The following KCNMB2 variants were observed in gnomAD, a reference collection of about 807,000 sequenced individuals.
KCNMB2 encodes calcium-activated potassium channel subunit beta-2.
In KCNMB2, 9 loss-of-function variants were observed where a neutral mutation model predicts 24.5. The ratio of observed to expected loss-of-function variants is 0.37; its 90% CI spans 0.22 to 0.64. KCNMB2 has a LOEUF of 0.64. KCNMB2 is among the 30% of genes least tolerant of loss of function. KCNMB2 has a pLI of 0.63. For synonymous variants in KCNMB2, 109 were observed against 104.4 expected, an observed-to-expected ratio of 1.04 and a Z score of -0.27; for missense variants, 226 against 284.3, an observed-to-expected ratio of 0.79 and a Z score of 1.47.
intron 1 of KCNMB2, among the ~76,000 whole-genome samples, chr3:178,754,794 G>A (rs1226963751): frequency 6.6e-6 from 1 of 152,202 alleles, no homozygotes; most frequent in Non-Finnish European, 1.5e-5. Context: ...AGTGCTCCCA[G>A]CTTCTAGACC....
chr3:178,728,544 A>G (rs2108364802), intron 1 of KCNMB2, among the ~76,000 whole-genome samples: 1 of 151,880 alleles, frequency 6.6e-6, no homozygotes, highest in East Asian at 1.9e-4. Flanking sequence ...AAGAAGCAAA[A>G]GAGATGAGAT....
At chr3:178,789,461 C>A (rs1337151222) in intron 1 of KCNMB2, among the ~76,000 whole-genome samples, 1 of 152,176 alleles carries the variant, frequency 6.6e-6, no homozygotes, top group African/African-American at 2.4e-5. Flanking sequence ...GGTGAGCAGT[C>A]ACAGTACCCG....
chr3:178,789,045 G>A (rs567589179), intron 1 of KCNMB2, among the ~76,000 whole-genome samples: 56 of 152,332 alleles, frequency 3.7e-4, no homozygotes, highest in African/African-American at 1.3e-3. Flanking sequence ...TGGGGGAATA[G>A]GGAGTGTTTT....
At chr3:178,550,366 G>A (rs1715909406) in intron 1 of KCNMB2, among the ~76,000 whole-genome samples, 1 of 147,332 alleles carries the variant, frequency 6.8e-6, no homozygotes. Context: ...GCTGAGGCAG[G>A]AGAATGGCAT....
intron 1 of KCNMB2, among the ~76,000 whole-genome samples, chr3:178,542,932 T>C (rs1057305313): frequency 3.3e-5 from 5 of 152,194 alleles, no homozygotes; most frequent in Non-Finnish European, 7.3e-5. Context: ...ATATTATTCA[T>C]GGGGTCACAA....
chr3:178,683,387 C>T (rs1276136376), intron 1 of KCNMB2, among the ~76,000 whole-genome samples: 1 of 151,702 alleles, frequency 6.6e-6, no homozygotes, highest in Non-Finnish European at 1.5e-5. Flanking sequence ...TGCTCAGTAC[C>T]TATGTGACAG....
rs1343047003 is a variant in KCNMB2 at position 178,842,958 on chromosome 3, A to AT, written c.*26dup. The AT allele has an allele frequency of 1.3e-6, 2 of 1,580,384 alleles. No homozygotes were observed. The highest frequency in any genetic ancestry group is 1.7e-6 in the Non-Finnish European group (2 of 1,160,986). On this transcript the variant is annotated 3_prime_UTR_variant, in exon 5 of 5. Transcript: ENST00000452583. ...GATAAATGCAAAAATGGATAAAATA[A>AT]TTTTTGTTAAAGCTCAAATACTGTT... is the stretch of plus-strand genomic sequence containing the variant.
intron 2 of KCNMB2, among the ~76,000 whole-genome samples, chr3:178,822,859 T>C (rs995176358): frequency 6.6e-6 from 1 of 152,262 alleles, no homozygotes; most frequent in Non-Finnish European, 1.5e-5. Context: ...TTTATGGGTA[T>C]AGGCTGACAT....
intron 1 of KCNMB2, among the ~76,000 whole-genome samples, chr3:178,724,953 T>C (rs1722920341): frequency 6.6e-6 from 1 of 152,090 alleles, no homozygotes; most frequent in South Asian, 2.1e-4. Flanking sequence ...TCCAGCTTTA[T>C]TTTTATTTTT....
intron 1 of KCNMB2, among the ~76,000 whole-genome samples, chr3:178,708,169 T>C (rs1207241863): frequency 6.6e-6 from 1 of 152,106 alleles, no homozygotes; most frequent in East Asian, 1.9e-4. Context: ...GGGCTTTCTG[T>C]TTGTAGCTCT....
rs1004577855 is a variant in KCNMB2 at position 178,765,611 on chromosome 3, G to C, written c.-67-41732G>C. Among the ~76,000 whole-genome samples, 3 of 152,306 alleles carry C rather than the reference G, an allele frequency of 2.0e-5. No individual in the cohort carries two copies. The South Asian group carries it at 6.2e-4, about 32-fold the overall frequency. On this transcript the variant is annotated intron_variant, in intron 1 of 4. Coordinates refer to ENST00000452583, the MANE Select transcript of KCNMB2 (RefSeq NM_181361.3). ...CTGGGCTTCTAGATCAGTTCTGCTAGAATTTGTGTGTGTGTGTGCACGCGC... is the reference window on the plus strand; with the variant it reads ...CTGGGCTTCTAGATCAGTTCTGCTACAATTTGTGTGTGTGTGTGCACGCGC...
At chr3:178,808,604 C>G (rs879938608) in intron 2 of KCNMB2, among the ~76,000 whole-genome samples, 1 of 152,100 alleles carries the variant, frequency 6.6e-6, no homozygotes, top group African/African-American at 2.4e-5. Context: ...CAAAGTTGTT[C>G]TTCACAATAA....
intron 1 of KCNMB2, among the ~76,000 whole-genome samples, chr3:178,651,255 A>AATGTAC (rs1720109092): frequency 6.6e-6 from 1 of 152,202 alleles, no homozygotes; most frequent in Non-Finnish European, 1.5e-5. Flanking sequence ...ATCAATGTGC[A>AATGTAC]AAAATCACAA....
intron 1 of KCNMB2, chr3:178,747,243 C>G (rs1417921093): frequency 1.3e-5 from 2 of 152,340 alleles, no homozygotes; most frequent in Non-Finnish European, 2.9e-5. Flanking sequence ...AAAGAGAGAG[C>G]ACTTGTGCAG....
chr3:178,762,883 G>C (rs565397383), intron 1 of KCNMB2, among the ~76,000 whole-genome samples: 99 of 151,554 alleles, frequency 6.5e-4, no homozygotes, highest in African/African-American at 2.3e-3. Context: ...TATCTGTCAG[G>C]AAAGTAATCA....
At chr3:178,608,834 GT>G (rs1718373377) in intron 1 of KCNMB2, among the ~76,000 whole-genome samples, 1 of 152,030 alleles carries the variant, frequency 6.6e-6, no homozygotes, top group Non-Finnish European at 1.5e-5. Flanking sequence ...CTTTTTTATG[GT>G]TAAATAGTAC....
intron 1 of KCNMB2, among the ~76,000 whole-genome samples, chr3:178,661,795 C>A (rs183636080): frequency 6.6e-6 from 1 of 152,318 alleles, no homozygotes; most frequent in Admixed American, 6.5e-5. Context: ...AAGAGTCATA[C>A]ACACATTGAA....
In KCNMB2 at chr3:178,740,043, T is replaced by C. The variant is rs78401347; in HGVS notation, c.-67-67300T>C. 4.3e-4 allele frequency among the ~76,000 whole-genome samples: 65 copies of C among 152,326 alleles called. No individual in the cohort carries two copies. In the East Asian group the frequency reaches 0.012, roughly 28 times the overall value. ...GAAAATGCAGAAATTTAGACTTTTA[T>C]GTAAAATTTTTTTGATTTGAAATGT... On this transcript the variant is annotated intron_variant, in intron 1 of 4. Coordinates refer to ENST00000452583, the MANE Select transcript of KCNMB2 (RefSeq NM_181361.3).
intron 1 of KCNMB2, among the ~76,000 whole-genome samples, chr3:178,696,555 G>A (rs1323721641): frequency 6.6e-6 from 1 of 151,932 alleles, no homozygotes; most frequent in East Asian, 1.9e-4. Flanking sequence ...ATCAGCTCCT[G>A]GATTCTTTGA....
Sources: allele counts gnomAD v4.1 joint callset (sites outside exome capture counted in the v4.1 genomes callset), GRCh38; gene constraint gnomAD v4.1.1; transcripts MANE v1.5; gene names NCBI Gene and HGNC (gene_info 2026-07-23, HGNC 2026-07-21).